Variants in KALRN observed in about 807,000 individuals in gnomAD.
KALRN encodes the protein kalirin.
Under a neutral mutation model 353.7 loss-of-function variants are expected in KALRN, and 70 were observed. The observed-to-expected ratio is 0.20, with a 90% CI of 0.16 to 0.24. The LOEUF is 0.24. KALRN is among the 10% of genes least tolerant of loss of function. The pLI, the probability that KALRN is intolerant of heterozygous loss-of-function variation, is 1.00. For missense variants in KALRN, 2,791 were observed against 3,756.7 expected (o/e 0.74, Z 6.72); for synonymous variants, 1,391 against 1,434.8 (o/e 0.97, Z 0.69).
intron 3 of KALRN, among the ~76,000 whole-genome samples, chr3:124,257,636 T>A (rs551311181): frequency 5.3e-5 from 8 of 152,284 alleles, no homozygotes; most frequent in African/African-American, 1.9e-4. Context: ...GGATTGTAAT[T>A]TATCACAAAG....
intron 13 of KALRN, among the ~76,000 whole-genome samples, chr3:124,401,020 G>A (rs1421402512): frequency 6.6e-6 from 1 of 152,142 alleles, no homozygotes; most frequent in Non-Finnish European, 1.5e-5. Context: ...CTTTGACATC[G>A]ACTACACCCC....
Position 124,438,925 on chromosome 3 carries a change from G to A in KALRN, c.3086G>A (p.Arg1029Gln), listed in dbSNP as rs547990015. ...SVLESLEQEY[R>Q]RDEDWCGGRD... ...CTGGAGAGCTTAGAGCAAGAATACC[G>A]GAGAGATGAGGACTGGTGTGGTGGA... is the stretch of plus-strand genomic sequence containing the variant. Residue 1029 changes from arginine to glutamine, a missense_variant, in exon 18 of 60, where the codon CGG becomes CAG. This residue lies in a region of KALRN where 452 missense variants were observed against 575.8 expected (regional missense o/e 0.78). Transcript: ENST00000682506. 15 of 1,613,968 alleles carry A rather than the reference G, an allele frequency of 9.3e-6. No homozygotes were observed. The highest frequency in any genetic ancestry group is 2.2e-5 in the East Asian group (1 of 44,870).
rs1193327605 is a variant in KALRN at position 124,657,475 on chromosome 3, G to C, written c.5890G>C (p.Gly1964Arg). 1.9e-6 allele frequency: 3 copies of C among 1,613,874 alleles called. No individual in the cohort carries two copies. Among genetic ancestry groups the C allele is most frequent in the Non-Finnish European group, 2.5e-6 (3 of 1,179,782 alleles). ...CTTCATGAAGAGAATAGAAGAAAAG[G>C]GTGTCCCTGAGGATATGCGAGGAAA... ...EGFMKRIEEK[G>R]VPEDMRGKDK... The change falls in exon 40 of 60, where the codon GGT becomes CGT. Residue 1964 changes from glycine (G) to arginine (R), a missense_variant. Physicochemically the swap from Gly to Arg is moderately radical, Grantham distance 125 (BLOSUM62 -2). Transcript: ENST00000682506.
chr3:124,128,954 C>G (rs2064987720), intron 1 of KALRN, among the ~76,000 whole-genome samples: 1 of 152,070 alleles, frequency 6.6e-6, no homozygotes. Flanking sequence ...ATAGAAGCAG[C>G]TTTCCATCCC....
intron 1 of KALRN, among the ~76,000 whole-genome samples, chr3:124,124,666 G>A (rs1039195206): frequency 6.6e-6 from 1 of 152,128 alleles, no homozygotes; most frequent in African/African-American, 2.4e-5. Flanking sequence ...ATTGCCACAG[G>A]CACTCCCACC....
At chr3:124,120,545 G>T (rs1475635461) in intron 1 of KALRN, among the ~76,000 whole-genome samples, 1 of 151,878 alleles carries the variant, frequency 6.6e-6, no homozygotes, top group Non-Finnish European at 1.5e-5. Flanking sequence ...TGGTATAAAT[G>T]TAGAATAGGA....
chr3:124,310,670 G>A (rs1426295656), intron 6 of KALRN, among the ~76,000 whole-genome samples: 7 of 152,156 alleles, frequency 4.6e-5, no homozygotes. Context: ...GGAAAGAACT[G>A]TCTTTTCAAC....
At chr3:124,284,093 G>A (rs1225769000) in intron 5 of KALRN, among the ~76,000 whole-genome samples, 2 of 152,232 alleles carry the variant, frequency 1.3e-5, no homozygotes, top group Non-Finnish European at 2.9e-5. Flanking sequence ...AGCGGAGGCA[G>A]AGACCATCAG....
At chr3:124,718,857 A>G in intron 59 of KALRN, 68 bp from the exon 60 acceptor site, 1 of 1,409,256 alleles carries the variant, frequency 7.1e-7, no homozygotes. Context: ...TTAATGAGGT[A>G]TTTTGAGTAG....
In KALRN at chr3:124,264,504, C is replaced by T. The variant is rs762199796; in HGVS notation, c.270C>T (p.Asp90=). ...ACCTCTGACCTCCCCACAGTGAGGA[C>T]GTGTGCAAACGTGGCTTCACTGTCA... ...VTYLASVPSE[D]VCKRGFTVII... Residue 90 remains aspartate (D), a synonymous_variant, in exon 4 of 60, where the codon GAC becomes GAT. Transcript: ENST00000682506. The T allele has an allele frequency of 9.4e-5, 151 of 1,613,612 alleles. 1 individual carries two copies. In the Middle Eastern group the frequency reaches 3.1e-3, roughly 34 times the overall value.
At position 124,227,980 on chromosome 3, in the gene KALRN, T is replaced by C. The variant is rs751834713; in HGVS notation, c.74-10T>C. ...CTCACCCTGATTCCTTCTGGTTTGT[T>C]GTCCCACAGGGTCTTTTCGGAATGA... On this transcript the variant is annotated splice_polypyrimidine_tract_variant and intron_variant, in intron 1 of 59. Coordinates refer to ENST00000682506, the MANE Select transcript of KALRN (RefSeq NM_001388419.1). 4 of 1,612,798 alleles carry C rather than the reference T, an allele frequency of 2.5e-6. No homozygotes were observed. Among genetic ancestry groups the C allele is most frequent in the South Asian group, 1.1e-5 (1 of 91,062 alleles).
At chr3:124,066,709 A>T (rs1429566731) in intron 1 of KALRN, among the ~76,000 whole-genome samples, 1 of 152,178 alleles carries the variant, frequency 6.6e-6, no homozygotes, top group Non-Finnish European at 1.5e-5. Context: ...GCTCAGCAGA[A>T]TTCCAGAGGG....
chr3:124,471,201 T>C (rs919583134), intron 25 of KALRN, among the ~76,000 whole-genome samples: 3 of 151,806 alleles, frequency 2.0e-5, no homozygotes, highest in Admixed American at 2.0e-4. Flanking sequence ...AGGCACTGGG[T>C]TGGGTTCTTT....
rs1045664961 is a variant in KALRN, at chr3:124,693,422, T to A, written c.7378-382T>A. 2.6e-5 allele frequency among the ~76,000 whole-genome samples: 4 copies of A among 152,120 alleles called. No homozygotes were observed. In the East Asian group the frequency reaches 5.8e-4, roughly 22 times the overall value. ...TTTGAGTTTATGATGCTAGGAAGAATCAGTGCCACCACACTGCTTGTGTGC... is the reference window on the plus strand; with the variant it reads ...TTTGAGTTTATGATGCTAGGAAGAAACAGTGCCACCACACTGCTTGTGTGC... On this transcript the variant is annotated intron_variant, in intron 51 of 59. Coordinates refer to ENST00000682506, the MANE Select transcript of KALRN (RefSeq NM_001388419.1).
intron 25 of KALRN, among the ~76,000 whole-genome samples, chr3:124,470,750 G>A (rs910623638): frequency 6.7e-6 from 1 of 149,858 alleles, no homozygotes; most frequent in East Asian, 2.2e-4. Flanking sequence ...GTGTGGGACC[G>A]CTAACTAGAG....
chr3:124,657,404 T>C (rs2084202398), intron 39 of KALRN, 44 bp from the exon 40 acceptor site: 2 of 1,418,516 alleles, frequency 1.4e-6, no homozygotes, highest in Middle Eastern at 1.7e-4. Context: ...CCAGAAAGCT[T>C]TCCTGTGAAA....
In KALRN at chr3:124,598,833, C is replaced by T. The variant is rs140693488; in HGVS notation, c.5183-33587C>T. ...CTGGGACCACAGTAGCACGCCACTA[C>T]GCCTAGCTAATTTCTTATATTTAAT... On this transcript the variant is annotated intron_variant, in intron 34 of 59. Transcript: ENST00000682506. Among the ~76,000 whole-genome samples, 73 of 152,244 alleles carry T rather than the reference C, an allele frequency of 4.8e-4. 1 individual carries two copies. In the East Asian group the frequency reaches 0.011, roughly 22 times the overall value.
At chr3:124,045,760 G>C (rs947911754) in intron 1 of KALRN, among the ~76,000 whole-genome samples, 1 of 149,372 alleles carries the variant, frequency 6.7e-6, no homozygotes, top group East Asian at 2.0e-4. Flanking sequence ...GGGGGGGGGG[G>C]GGTTGCCTGA....
chr3:124,088,629 G>T (rs1559927284), intron 1 of KALRN, among the ~76,000 whole-genome samples: 1 of 152,124 alleles, frequency 6.6e-6, no homozygotes, highest in Admixed American at 6.5e-5. Context: ...TTTTCCTCAT[G>T]AAAAGTTCAA....
Sources: allele counts gnomAD v4.1 joint callset (sites outside exome capture counted in the v4.1 genomes callset), GRCh38; gene constraint gnomAD v4.1.1; regional missense constraint gnomAD v4.1.1; transcripts MANE v1.5; gene names NCBI Gene and HGNC (gene_info 2026-07-23, HGNC 2026-07-21).